Variants in PIEZO2 observed in about 807,000 individuals in gnomAD.
PIEZO2 encodes piezo type mechanosensitive ion channel component 2.
In PIEZO2, 172 loss-of-function variants were observed where a neutral mutation model predicts 337.3. The observed-to-expected ratio is 0.51, with a 90% CI of 0.45 to 0.58. The LOEUF (loss-of-function observed/expected upper bound fraction) is 0.58. Ranked by LOEUF, PIEZO2 falls within the 20% of genes least tolerant of loss-of-function variation. PIEZO2 has a pLI of 0.00. For synonymous variants in PIEZO2, 1,251 were observed against 1,228.5 expected, an observed-to-expected ratio of 1.02 and a Z score of -0.38; for missense variants, 3,028 against 3,391.3, an observed-to-expected ratio of 0.89 and a Z score of 2.66.
chr18:10,967,907 G>GATT (rs757640823), intron 3 of PIEZO2, among the ~76,000 whole-genome samples: 35 of 151,560 alleles, frequency 2.3e-4, no homozygotes, highest in Admixed American at 2.6e-4. Flanking sequence ...TTACTCTGCT[G>GATT]ATTATTATTA....
intron 47 of PIEZO2, among the ~76,000 whole-genome samples, chr18:10,693,292 G>A (rs1039735066): frequency 7.9e-5 from 12 of 151,768 alleles, no homozygotes; most frequent in African/African-American, 2.2e-4. Flanking sequence ...AGATTCCACC[G>A]GATTTTCTAT....
intron 51 of PIEZO2, 97 bp from the exon 52 acceptor site, chr18:10,680,468 G>C: frequency 8.6e-7 from 1 of 1,168,702 alleles, no homozygotes; most frequent in Non-Finnish European, 1.2e-6. Flanking sequence ...GTATGGAAAA[G>C]GTTTCTCCCT....
chr18:11,088,097 T>C (rs1485827545), intron 1 of PIEZO2, among the ~76,000 whole-genome samples: 1 of 152,246 alleles, frequency 6.6e-6, no homozygotes, highest in Non-Finnish European at 1.5e-5. Context: ...CAATGTATAC[T>C]TGGGACACTT....
rs2040900290 is a variant in PIEZO2, at chr18:11,149,527, G to A, written c.-939C>T. On this transcript the variant is annotated 5_prime_UTR_variant, in exon 1 of 56. Coordinates refer to ENST00000674853, the MANE Select transcript of PIEZO2 (RefSeq NM_001378183.1). The surrounding 1 kb of genome is among the most constrained non-coding windows in gnomAD (Gnocchi z 8.7). Reference sequence around the variant, plus strand: ...CGCCTTGCAGCCTCGCCCTCGCGGCGCAGCCGGGGCTCCCCGGCGGCGCGC... The same window carrying A: ...CGCCTTGCAGCCTCGCCCTCGCGGCACAGCCGGGGCTCCCCGGCGGCGCGC... Among the ~76,000 whole-genome samples, 4 of 151,740 alleles carry A rather than the reference G, an allele frequency of 2.6e-5. No homozygotes were observed. The highest frequency in any genetic ancestry group is 2.0e-4 in the Admixed American group (3 of 15,266).
chr18:10,716,114 G>A lies in PIEZO2; in HGVS notation c.5090-298C>T, dbSNP rs145543581. Among the ~76,000 whole-genome samples, 15 of 152,302 alleles carry A rather than the reference G, an allele frequency of 9.8e-5. No homozygotes were observed. Among genetic ancestry groups the A allele is most frequent in the African/African-American group, 3.4e-4 (14 of 41,572 alleles). On this transcript the variant is annotated intron_variant, in intron 37 of 55. Coordinates refer to ENST00000674853, the MANE Select transcript of PIEZO2 (RefSeq NM_001378183.1). This position sits in a 1 kb window ranked among gnomAD's most constrained non-coding sequence, Gnocchi z 4.1. ...ACCCTTGAACATGGGTTTGGACAGCGTGGATCCACTCTACGCGTGGATTGT... is the reference window on the plus strand; with the variant it reads ...ACCCTTGAACATGGGTTTGGACAGCATGGATCCACTCTACGCGTGGATTGT...
chr18:11,051,541 C>A (rs528763247), intron 2 of PIEZO2, among the ~76,000 whole-genome samples: 25 of 152,236 alleles, frequency 1.6e-4, no homozygotes, highest in South Asian at 6.2e-4. Flanking sequence ...ATAACTGATT[C>A]TCCCAAGAAA....
At chr18:11,072,493 C>T (rs1270734112) in intron 1 of PIEZO2, among the ~76,000 whole-genome samples, 1 of 152,120 alleles carries the variant, frequency 6.6e-6, no homozygotes, top group Non-Finnish European at 1.5e-5. Context: ...AAAAGTCGCT[C>T]ACATGATTGT....
chr18:10,741,928 C>T (rs142338458), intron 32 of PIEZO2, among the ~76,000 whole-genome samples: 1,784 of 151,920 alleles, frequency 0.012, 27 homozygotes, highest in African/African-American at 0.04. Context: ...CCGAGGTGGG[C>T]GGATCACGAG....
At chr18:10,873,050 C>G (rs1049122103) in intron 4 of PIEZO2, among the ~76,000 whole-genome samples, 2 of 152,116 alleles carry the variant, frequency 1.3e-5, no homozygotes, top group Non-Finnish European at 2.9e-5. Flanking sequence ...AATACATACA[C>G]ACATATATAC....
chr18:10,936,961 G>A (rs2032435507), intron 3 of PIEZO2, among the ~76,000 whole-genome samples: 1 of 152,090 alleles, frequency 6.6e-6, no homozygotes, highest in East Asian at 1.9e-4. Flanking sequence ...TTCCCTTACG[G>A]TCCTGGAGAT....
chr18:10,726,416 C>T lies in PIEZO2; in HGVS notation c.5029+4991G>A, dbSNP rs1326844048. 4.6e-6 allele frequency: 7 copies of T among 1,529,464 alleles called. No individual in the cohort carries two copies. Among genetic ancestry groups the T allele is most frequent in the Non-Finnish European group, 6.1e-6 (7 of 1,144,828 alleles). The allele number at this position is 1,529,464 out of a possible 1,614,324, so 94.7% of individuals were successfully genotyped here. A position where few individuals can be genotyped will look rare whatever the true frequency, so the allele number is the denominator to read the frequency against. ...ACAACGCGCGCCAGCCGTGGCACAA[C>T]GCGGAGGGCCGGCTGCGGTACGGGC... is the stretch of plus-strand genomic sequence containing the variant. On this transcript the variant is annotated intron_variant, in intron 36 of 55. Coordinates refer to ENST00000674853, the MANE Select transcript of PIEZO2 (RefSeq NM_001378183.1). The surrounding 1 kb of genome is among the most constrained non-coding windows in gnomAD (Gnocchi z 5.9).
chr18:10,759,054 C>T lies in PIEZO2; in HGVS notation c.3757+428G>A, dbSNP rs2038008914. Among the ~76,000 whole-genome samples the T allele has an allele frequency of 6.6e-6, 1 of 152,168 alleles. No individual in the cohort carries two copies. The highest frequency in any genetic ancestry group is 1.5e-5 in the Non-Finnish European group (1 of 68,032). On this transcript the variant is annotated intron_variant, in intron 26 of 55. Transcript: ENST00000674853. This position sits in a 1 kb window ranked among gnomAD's most constrained non-coding sequence, Gnocchi z 5.5. ...AAGGCCTTGGGGCTGCAGCCCAATT[C>T]TAGAGCAACTAAAATCTGGGAAGCA...
intron 7 of PIEZO2, among the ~76,000 whole-genome samples, chr18:10,835,264 T>C (rs1341435763): frequency 6.7e-6 from 1 of 148,228 alleles, no homozygotes; most frequent in Non-Finnish European, 1.5e-5. Context: ...TAAAGGCCTC[T>C]CCAATGACCT....
At chr18:10,827,328 C>T (rs1308246776) in intron 7 of PIEZO2, among the ~76,000 whole-genome samples, 1 of 152,226 alleles carries the variant, frequency 6.6e-6, no homozygotes. Context: ...TCTATGTTCA[C>T]ACCCTTGTAT....
chr18:10,913,583 C>A (rs2030670764), intron 3 of PIEZO2, among the ~76,000 whole-genome samples: 1 of 151,958 alleles, frequency 6.6e-6, no homozygotes, highest in South Asian at 2.1e-4. Flanking sequence ...ATTTATTATT[C>A]AGGTAAATTT....
chr18:10,947,825 G>C (rs901712886), intron 3 of PIEZO2, among the ~76,000 whole-genome samples: 2 of 152,112 alleles, frequency 1.3e-5, no homozygotes, highest in African/African-American at 4.8e-5. Flanking sequence ...ACAAAGGCTG[G>C]GAAGAGAGAA....
rs1047219588 is a variant in PIEZO2, at chr18:10,727,614, C to T, written c.5029+3793G>A. Reference sequence around the variant, plus strand: ...TCTGGAAGGCACCGATTTTCCTAGCCCCACTCCCATTACACGCACACACAC... The same window carrying T: ...TCTGGAAGGCACCGATTTTCCTAGCTCCACTCCCATTACACGCACACACAC... On this transcript the variant is annotated intron_variant, in intron 36 of 55. Coordinates refer to ENST00000674853, the MANE Select transcript of PIEZO2 (RefSeq NM_001378183.1). The surrounding 1 kb of genome is among the most constrained non-coding windows in gnomAD (Gnocchi z 6.3). 24 of 152,550 alleles carry T rather than the reference C, an allele frequency of 1.6e-4. No individual in the cohort carries two copies. Among genetic ancestry groups the T allele is most frequent in the African/African-American group, 5.8e-4 (24 of 41,356 alleles). The allele number at this position is 152,550 out of a possible 1,614,324, so 9.4% of individuals were successfully genotyped here. A position where few individuals can be genotyped will look rare whatever the true frequency, so the allele number is the denominator to read the frequency against.
In PIEZO2 at chr18:10,819,673, C is replaced by T. The variant is rs887193558; in HGVS notation, c.918-12399G>A. Among the ~76,000 whole-genome samples the T allele has an allele frequency of 2.6e-5, 4 of 152,164 alleles. No homozygotes were observed. Among genetic ancestry groups the T allele is most frequent in the South Asian group, 2.1e-4 (1 of 4,824 alleles). On this transcript the variant is annotated intron_variant, in intron 7 of 55. Transcript: ENST00000674853. This position sits in a 1 kb window ranked among gnomAD's most constrained non-coding sequence, Gnocchi z 4.3. ...GTTCACCTTCATGCTTGTTCTCTCA[C>T]GGTCGCAAGAAACTGCTGCAGCTTC...
intron 3 of PIEZO2, among the ~76,000 whole-genome samples, chr18:10,970,720 T>C (rs542263196): frequency 2.6e-4 from 38 of 147,842 alleles, no homozygotes; most frequent in African/African-American, 9.5e-4. Flanking sequence ...GTGTGAGATA[T>C]GGTGAGTCAG....
Sources: allele counts gnomAD v4.1 joint callset (sites outside exome capture counted in the v4.1 genomes callset), GRCh38; gene constraint gnomAD v4.1.1; non-coding constraint Gnocchi (gnomAD v3.1); transcripts MANE v1.5; gene names NCBI Gene and HGNC (gene_info 2026-07-23, HGNC 2026-07-21).